Variants in DENND2B observed in about 807,000 individuals in gnomAD.
The protein encoded by DENND2B is DENN domain containing 2B.
A neutral mutation model predicts 116.0 loss-of-function variants in DENND2B; 32 were observed. That is an observed-to-expected ratio of 0.28 (90% CI 0.21 to 0.37). The LOEUF is 0.37. Among genes scored for constraint, DENND2B ranks in the 10% least tolerant of loss-of-function variants. The pLI is 1.00. For synonymous variants in DENND2B, 588 were observed against 583.9 expected (o/e 1.01, Z -0.10); for missense variants, 1,276 against 1,477.7 (o/e 0.86, Z 2.24).
At chr11:8,851,582 G>A (rs1024462347) in intron 3 of DENND2B, among the ~76,000 whole-genome samples, 4 of 152,152 alleles carry the variant, frequency 2.6e-5, no homozygotes, top group Non-Finnish European at 1.5e-5. Flanking sequence ...TTTCTGGAGG[G>A]CAATTTGGCT....
At chr11:8,812,262 G>T (rs572242445), upstream of DENND2B, among the ~76,000 whole-genome samples, 1 of 152,278 alleles carries the variant, frequency 6.6e-6, no homozygotes, top group East Asian at 1.9e-4. Flanking sequence ...GAGAATCCTT[G>T]TAAGTTGTGG....
intron 4 of DENND2B, among the ~76,000 whole-genome samples, chr11:8,836,935 G>A (rs1218850500): frequency 6.6e-6 from 1 of 152,166 alleles, no homozygotes; most frequent in Non-Finnish European, 1.5e-5. Flanking sequence ...AGACTGGTCT[G>A]GAACTCCTGG....
chr11:8,850,732 A>G (rs913728131), intron 3 of DENND2B, among the ~76,000 whole-genome samples: 6 of 152,274 alleles, frequency 3.9e-5, no homozygotes, highest in Admixed American at 3.9e-4. Context: ...TTCCATGTTC[A>G]TTGCAGCATT....
chr11:8,832,322 C>T (rs1296125759), intron 4 of DENND2B, among the ~76,000 whole-genome samples: 2 of 152,078 alleles, frequency 1.3e-5, no homozygotes, highest in Admixed American at 6.6e-5. Flanking sequence ...CATGGTGGTG[C>T]ACACTTGTAG....
At chr11:8,829,665 C>A (rs944468827) in intron 4 of DENND2B, among the ~76,000 whole-genome samples, 1 of 152,052 alleles carries the variant, frequency 6.6e-6, no homozygotes, top group African/African-American at 2.4e-5. Flanking sequence ...GGACTTCCTG[C>A]GAAGCCCACA....
In DENND2B at chr11:8,702,544, T is replaced by C. The variant is rs768896211; in HGVS notation, c.2720+28A>G. The C allele has an allele frequency of 1.2e-6, 2 of 1,607,688 alleles. No individual in the cohort carries two copies. The highest frequency in any genetic ancestry group is 1.7e-6 in the Non-Finnish European group (2 of 1,179,944). ...TGTGGGTGTGCCTTCCCCCCTCCCT[T>C]CTGCTTTCTTGCCCGGCTGGGCCCT... On this transcript the variant is annotated intron_variant, in intron 14 of 19. Transcript: ENST00000313726. This position sits in a 1 kb window ranked among gnomAD's most constrained non-coding sequence, Gnocchi z 4.6.
At chr11:8,710,162 A>G (rs1008944918) in intron 11 of DENND2B, among the ~76,000 whole-genome samples, 3 of 152,084 alleles carry the variant, frequency 2.0e-5, no homozygotes, top group Non-Finnish European at 4.4e-5. Flanking sequence ...ATTGTCAACA[A>G]CCCAGTAGCT....
intron 3 of DENND2B, among the ~76,000 whole-genome samples, chr11:8,841,124 T>C (rs1040287032): frequency 6.6e-6 from 1 of 152,208 alleles, no homozygotes; most frequent in Non-Finnish European, 1.5e-5. Flanking sequence ...CCTAACTATA[T>C]AATAGACAAG....
intron 1 of DENND2B, among the ~76,000 whole-genome samples, chr11:8,753,534 GCTT>G: frequency 6.6e-6 from 1 of 152,248 alleles, no homozygotes; most frequent in Non-Finnish European, 1.5e-5. Flanking sequence ...ATGCCAGCTA[GCTT>G]CTTTTCAGAA....
intron 2 of DENND2B, among the ~76,000 whole-genome samples, chr11:8,867,746 T>C (rs901497698): frequency 6.6e-6 from 1 of 151,768 alleles, no homozygotes; most frequent in African/African-American, 2.4e-5. Flanking sequence ...ACATGCATGA[T>C]TAATTTTTGT....
intron 1 of DENND2B, among the ~76,000 whole-genome samples, chr11:8,780,754 C>G (rs1370919892): frequency 2.0e-5 from 3 of 152,154 alleles, no homozygotes; most frequent in Non-Finnish European, 4.4e-5. Flanking sequence ...AAGCAATACT[C>G]AGAGGTCTAG....
rs777198027 is a variant in DENND2B, at chr11:8,702,537, C to T, written c.2720+35G>A. ...ATTCGCTTGTGGGTGTGCCTTCCCC[C>T]CTCCCTTCTGCTTTCTTGCCCGGCT... On this transcript the variant is annotated intron_variant, in intron 14 of 19. Coordinates refer to ENST00000313726, the MANE Select transcript of DENND2B (RefSeq NM_213618.2). This position sits in a 1 kb window ranked among gnomAD's most constrained non-coding sequence, Gnocchi z 4.6. 2.6e-5 allele frequency: 41 copies of T among 1,606,712 alleles called. No individual in the cohort carries two copies. In the African/African-American group the frequency reaches 4.7e-4, roughly 18 times the overall value.
chr11:8,731,731 T>G (rs1282138519), intron 2 of DENND2B, among the ~76,000 whole-genome samples: 1 of 152,088 alleles, frequency 6.6e-6, no homozygotes, highest in Non-Finnish European at 1.5e-5. Flanking sequence ...ACCAAACAAG[T>G]CTGAACAACC....
Position 8,715,658 on chromosome 11 carries a change from C to G in DENND2B, c.1790G>C (p.Ser597Thr). 6.2e-7 allele frequency: 1 copy of G among 1,614,138 alleles called. No homozygotes were observed. The highest frequency in any genetic ancestry group is 8.5e-7 in the Non-Finnish European group (1 of 1,179,996). ...PSSPSSLNED[S>T]LSTTSELLSS... ...CAGCAGCTCGCTGGTGGTGCTGAGG[C>G]TGTCTTCATTGAGGCTGGAGGGTGA... The change falls in exon 6 of 20, where the codon AGC becomes ACC. Residue 597 changes from serine (S) to threonine (T), a missense_variant. Coordinates refer to ENST00000313726, the MANE Select transcript of DENND2B (RefSeq NM_213618.2).
intron 4 of DENND2B, among the ~76,000 whole-genome samples, chr11:8,721,496 C>T (rs1229503516): frequency 8.6e-5 from 4 of 46,376 alleles, no homozygotes; most frequent in Non-Finnish European, 2.5e-4. Context: ...TGCAGCTTCC[C>T]TCCCCAACAA....
upstream of DENND2B, among the ~76,000 whole-genome samples, chr11:8,875,046 G>A (rs1313015868): frequency 2.0e-5 from 3 of 152,146 alleles, no homozygotes; most frequent in East Asian, 1.9e-4. Flanking sequence ...GTTCTAGGCC[G>A]GGCGCCGTGG....
intron 1 of DENND2B, among the ~76,000 whole-genome samples, chr11:8,787,812 GAGA>G (rs2059047928): frequency 6.6e-6 from 1 of 152,276 alleles, no homozygotes; most frequent in East Asian, 1.9e-4. Flanking sequence ...CACTATCTTT[GAGA>G]AGAAGAATTA....
At chr11:8,872,485 TAAAAAAA>T (rs398044981), upstream of DENND2B, among the ~76,000 whole-genome samples, 4 of 102,966 alleles carry the variant, frequency 3.9e-5, no homozygotes, top group East Asian at 5.4e-4. Context: ...AGACTCCGTC[TAAAAAAA>T]AAAAAAAAAA....
At chr11:8,723,239 G>A (rs2046496744) in intron 4 of DENND2B, among the ~76,000 whole-genome samples, 1 of 152,206 alleles carries the variant, frequency 6.6e-6, no homozygotes, top group African/African-American at 2.4e-5. Context: ...CTGGGTGCTG[G>A]CAATCCTGTG....
Sources: gnomAD v4.1 joint callset for allele counts (sites outside exome capture counted in the v4.1 genomes callset) on GRCh38, gnomAD v4.1.1 for gene constraint, Gnocchi (gnomAD v3.1) non-coding constraint, MANE v1.5 for transcripts, NCBI Gene and HGNC (gene_info 2026-07-23, HGNC 2026-07-21) for gene names.